STAG3: variants seen among roughly 807,000 people sequenced by gnomAD.
STAG3 encodes STAG3 cohesin complex component.
STAG3 carries 101 observed loss-of-function variants against 160.7 expected under a neutral mutation model. That is an observed-to-expected ratio of 0.63 (90% CI 0.54 to 0.74). The LOEUF (loss-of-function observed/expected upper bound fraction) is 0.74. Among genes scored for constraint, STAG3 ranks in the 30% least tolerant of loss-of-function variants. The probability of loss-of-function intolerance (pLI) is 0.00; values close to 1 mark genes in which losing one functional copy is unlikely to be tolerated. For missense variants in STAG3, 1,188 were observed against 1,517.4 expected, an observed-to-expected ratio of 0.78 and a Z score of 3.61; for synonymous variants, 519 against 585.0, an observed-to-expected ratio of 0.89 and a Z score of 1.63.
intron 29 of STAG3, among the ~76,000 whole-genome samples, chr7:100,206,799 G>A (rs1333205089): frequency 6.6e-6 from 1 of 152,146 alleles, no homozygotes; most frequent in African/African-American, 2.4e-5. Context: ...TGTACACTTA[G>A]CATATTCACT....
At chr7:100,209,746 T>C (rs1183769667) in intron 29 of STAG3, among the ~76,000 whole-genome samples, 2 of 152,100 alleles carry the variant, frequency 1.3e-5, no homozygotes, top group African/African-American at 2.4e-5. Context: ...TCTGGGTGCA[T>C]TTTCAAGGTA....
chr7:100,204,216 T>C, intron 26 of STAG3, 94 bp downstream of exon 26: 1 of 948,726 alleles, frequency 1.1e-6, no homozygotes, highest in Non-Finnish European at 1.6e-6. Flanking sequence ...TTCAGAGCAG[T>C]AACTTTTCTT....
chr7:100,199,173 T>C, intron 14 of STAG3, 89 bp from the exon 15 acceptor site: 1 of 1,002,040 alleles, frequency 1.0e-6, no homozygotes. Flanking sequence ...GTGGACACTG[T>C]AGGAAGGAGA....
chr7:100,211,217 G>A (rs1022603332), intron 30 of STAG3, 32 bp downstream of exon 30: 3 of 1,536,920 alleles, frequency 2.0e-6, no homozygotes, highest in South Asian at 1.3e-5. Context: ...GGGTGTCTGA[G>A]TTCCCAGTTT....
In STAG3 at chr7:100,180,517, G is replaced by C. The variant is rs769111101; in HGVS notation, c.-40G>C. 1 of 1,218,526 alleles carries C rather than the reference G, an allele frequency of 8.2e-7. No individual in the cohort carries two copies. The highest frequency in any genetic ancestry group is 1.2e-6 in the Non-Finnish European group (1 of 819,128). 75.5% of individuals were successfully genotyped at this position (1,218,526 alleles called of 1,614,324 possible). A position where few individuals can be genotyped will look rare whatever the true frequency, so the allele number is the denominator to read the frequency against. On this transcript the variant is annotated 5_prime_UTR_variant, in exon 2 of 34. Transcript: ENST00000615138. ...GCTGGATCGCCATACCTACCCTGTG[G>C]TCCTCATCTTCCTGGCCTCATAGCT...
intron 29 of STAG3, 72 bp from the exon 30 acceptor site, chr7:100,210,939 G>C: frequency 1.3e-6 from 2 of 1,487,876 alleles, no homozygotes; most frequent in Non-Finnish European, 9.1e-7. Flanking sequence ...CTAAATCCTG[G>C]GCAGGTCTTG....
At chr7:100,183,050 G>T (rs777954201) in intron 4 of STAG3, among the ~76,000 whole-genome samples, 2 of 151,784 alleles carry the variant, frequency 1.3e-5, no homozygotes, top group Non-Finnish European at 2.9e-5. Context: ...GTCTCTTTCT[G>T]TCGCCCAGGC....
intron 8 of STAG3, among the ~76,000 whole-genome samples, chr7:100,191,393 A>G (rs1800337526): frequency 6.6e-6 from 1 of 152,204 alleles, no homozygotes; most frequent in Non-Finnish European, 1.5e-5. Flanking sequence ...TACGGGCATC[A>G]TACCTCAAAG....
At chr7:100,191,104 A>G (rs1471800617) in intron 8 of STAG3, among the ~76,000 whole-genome samples, 2 of 152,080 alleles carry the variant, frequency 1.3e-5, no homozygotes, top group African/African-American at 2.4e-5. Context: ...GGATTTTTCA[A>G]TAATGGCACT....
rs201557506 is a variant in STAG3, at chr7:100,197,307, G to A, written c.1065+28G>A. 55 of 1,603,300 alleles carry A rather than the reference G, an allele frequency of 3.4e-5. No homozygotes were observed. In the African/African-American group the frequency reaches 6.3e-4, roughly 18 times the overall value. ...GGGATTCGAGTCAGTTTCCCTTTCC[G>A]TTTCCTTCATCTTTTTCCTGTCCTA... is the stretch of plus-strand genomic sequence containing the variant. On this transcript the variant is annotated intron_variant, in intron 10 of 33. Coordinates refer to ENST00000615138, the MANE Select transcript of STAG3 (RefSeq NM_001282717.2).
intron 8 of STAG3, among the ~76,000 whole-genome samples, chr7:100,191,284 G>A (rs1800329853): frequency 6.6e-6 from 1 of 152,092 alleles, no homozygotes. Context: ...CCTCAGTTGA[G>A]AACCACTGAT....
At chr7:100,213,432 C>T in intron 32 of STAG3, 1 of 985,404 alleles carries the variant, frequency 1.0e-6, no homozygotes. Context: ...ACAATGATAC[C>T]TTCAAACCAG....
chr7:100,188,358 C>A, intron 5 of STAG3, 95 bp from the exon 6 acceptor site: 1 of 882,504 alleles, frequency 1.1e-6, no homozygotes, highest in Non-Finnish European at 2.0e-6. Flanking sequence ...AAGCTCTTTG[C>A]AGAATGTTTC....
Position 100,209,074 on chromosome 7 carries a change from A to C in STAG3, c.3239-1937A>C, listed in dbSNP as rs760097137. On this transcript the variant is annotated intron_variant, in intron 29 of 33. Transcript: ENST00000615138. ...GGTGTCTCTGGGAGCAAGACAAAGA[A>C]ACTATTTGATTGGTTAGAGTGGAAA... 9.3e-4 allele frequency among the ~76,000 whole-genome samples: 142 copies of C among 152,024 alleles called. 1 individual carries two copies. Among genetic ancestry groups the C allele is most frequent in the Non-Finnish European group, 4.3e-4 (29 of 67,992 alleles).
downstream of STAG3, among the ~76,000 whole-genome samples, chr7:100,215,832 G>C (rs2043340894): frequency 1.3e-5 from 2 of 152,152 alleles, no homozygotes; most frequent in African/African-American, 2.4e-5. Flanking sequence ...TTGACTAATA[G>C]AAGATGATAG....
At chr7:100,200,153 G>A (rs1178252270) in intron 16 of STAG3, 83 bp from the exon 17 acceptor site, 11 of 971,806 alleles carry the variant, frequency 1.1e-5, no homozygotes, top group East Asian at 2.6e-5. Flanking sequence ...AGGCAGATAA[G>A]GTCATGGGGA....
intron 29 of STAG3, among the ~76,000 whole-genome samples, chr7:100,206,992 C>G (rs1341463457): frequency 6.6e-6 from 1 of 152,126 alleles, no homozygotes; most frequent in African/African-American, 2.4e-5. Flanking sequence ...TAATATGTGG[C>G]CTTTTATGTC....
At position 100,187,568 on chromosome 7, in the gene STAG3, T is replaced by C. The variant is rs373319227; in HGVS notation, c.434-885T>C. On this transcript the variant is annotated intron_variant, in intron 5 of 33. Coordinates refer to ENST00000615138, the MANE Select transcript of STAG3 (RefSeq NM_001282717.2). ...TGAAGGTGGAGGTGCAGCCTGGCCC[T>C]TCATTTGATCCTTGGCCTTTGGCTG... 2.5e-4 allele frequency among the ~76,000 whole-genome samples: 38 copies of C among 152,290 alleles called. No homozygotes were observed. The South Asian group carries it at 6.4e-3, about 26-fold the overall frequency.
intron 26 of STAG3, 129 bp from the exon 27 acceptor site, chr7:100,204,498 G>C: frequency 8.6e-7 from 1 of 1,167,344 alleles, no homozygotes; most frequent in South Asian, 1.6e-5. Context: ...CTAGAAGGAA[G>C]GAAAGAGTAA....
Sources: allele counts gnomAD v4.1 joint callset (sites outside exome capture counted in the v4.1 genomes callset), GRCh38; gene constraint gnomAD v4.1.1; transcripts MANE v1.5; gene names NCBI Gene and HGNC (gene_info 2026-07-23, HGNC 2026-07-21).